SUZ12: variants seen among roughly 807,000 people sequenced by gnomAD.
SUZ12 encodes SUZ12 polycomb repressive complex 2 subunit.
In SUZ12, 17 loss-of-function variants were observed where a neutral mutation model predicts 87.3. The observed-to-expected ratio is 0.19, with a 90% CI of 0.13 to 0.29. The LOEUF is 0.29. Among genes scored for constraint, SUZ12 ranks in the 10% least tolerant of loss-of-function variants. SUZ12 has a pLI of 1.00. For synonymous variants in SUZ12, 253 were observed against 312.4 expected, an observed-to-expected ratio of 0.81 and a Z score of 2.01; for missense variants, 526 against 912.2, an observed-to-expected ratio of 0.58 and a Z score of 5.45.
At chr17:31,993,105 G>T (rs559332772) in intron 10 of SUZ12, 137 bp from the exon 11 acceptor site, 8 of 566,324 alleles carry the variant, frequency 1.4e-5, no homozygotes, top group Non-Finnish European at 2.4e-5. Context: ...CATCAGTTGA[G>T]GGAGATAACA....
rs1474498000 is a variant in SUZ12, at chr17:31,941,028, A to T, written c.386+542A>T. Among the ~76,000 whole-genome samples, 14 of 151,808 alleles carry T rather than the reference A, an allele frequency of 9.2e-5. No individual in the cohort carries two copies. In the South Asian group the frequency reaches 2.7e-3, roughly 29 times the overall value. On this transcript the variant is annotated intron_variant, in intron 3 of 15. Transcript: ENST00000322652. Reference sequence around the variant, plus strand: ...CTACCTCAAAGAAAAAAAAAACAAAACTGATTTTAGTAGTGAAGTGAATAA... The same window carrying T: ...CTACCTCAAAGAAAAAAAAAACAAATCTGATTTTAGTAGTGAAGTGAATAA...
At chr17:31,961,245 C>T (rs375717299) in intron 4 of SUZ12, among the ~76,000 whole-genome samples, 76 of 150,682 alleles carry the variant, frequency 5.0e-4, no homozygotes, top group African/African-American at 1.7e-3. Flanking sequence ...CACAAAGAAA[C>T]ACTAGTATGA....
At chr17:31,949,670 CCCCCCCTT>C (rs1567814689) in intron 4 of SUZ12, among the ~76,000 whole-genome samples, 1 of 79,756 alleles carries the variant, frequency 1.3e-5, no homozygotes, top group African/African-American at 5.0e-5. Context: ...GCCCCCCCCC[CCCCCCCTT>C]TTTTTTTTTT....
Position 31,953,813 on chromosome 17 carries a change from A to G in SUZ12, c.455+6128A>G, listed in dbSNP as rs1418794591. Among the ~76,000 whole-genome samples the G allele has an allele frequency of 2.7e-5, 4 of 149,114 alleles. No individual in the cohort carries two copies. In the East Asian group the frequency reaches 7.9e-4, roughly 29 times the overall value. ...ACTGCAACCTCTAACTCCTTGGTTC[A>G]AGCAGTTCTCCTGCCTTGGCCTCCC... On this transcript the variant is annotated intron_variant, in intron 4 of 15. Coordinates refer to ENST00000322652, the MANE Select transcript of SUZ12 (RefSeq NM_015355.4).
chr17:31,942,946 G>C (rs543802983), intron 3 of SUZ12, among the ~76,000 whole-genome samples: 2 of 152,212 alleles, frequency 1.3e-5, no homozygotes, highest in Non-Finnish European at 2.9e-5. Context: ...TCTCGATAGA[G>C]TTTGAAACTA....
chr17:31,968,761 C>T (rs750202885), intron 5 of SUZ12, among the ~76,000 whole-genome samples: 1 of 151,980 alleles, frequency 6.6e-6, no homozygotes, highest in Non-Finnish European at 1.5e-5. Context: ...GACTTTAATT[C>T]TTCAGAAACT....
At chr17:31,970,590 T>C (rs1047898540) in intron 5 of SUZ12, among the ~76,000 whole-genome samples, 1 of 151,838 alleles carries the variant, frequency 6.6e-6, no homozygotes, top group African/African-American at 2.4e-5. Flanking sequence ...ATTGTGCCAC[T>C]GCATTCCAGC....
At chr17:31,986,336 G>A (rs1246610351) in intron 9 of SUZ12, among the ~76,000 whole-genome samples, 1 of 152,078 alleles carries the variant, frequency 6.6e-6, no homozygotes, top group Non-Finnish European at 1.5e-5. Context: ...TTTTTGTTTT[G>A]TTTTGTTTTG....
chr17:31,942,231 C>T (rs558122851), intron 3 of SUZ12, among the ~76,000 whole-genome samples: 12 of 152,048 alleles, frequency 7.9e-5, no homozygotes, highest in South Asian at 2.1e-4. Context: ...ATATTTGTTA[C>T]GTAAAATTTA....
intron 3 of SUZ12, among the ~76,000 whole-genome samples, chr17:31,944,286 G>C (rs1324803820): frequency 1.3e-5 from 2 of 151,794 alleles, no homozygotes; most frequent in Non-Finnish European, 2.9e-5. Context: ...GCGCCACCAT[G>C]CCTGGCTCAT....
intron 4 of SUZ12, among the ~76,000 whole-genome samples, chr17:31,951,538 A>G (rs1906979717): frequency 6.8e-6 from 1 of 146,542 alleles, no homozygotes; most frequent in African/African-American, 2.6e-5. Context: ...GCTGGAGTGC[A>G]GTGGCGCCAT....
intron 3 of SUZ12, among the ~76,000 whole-genome samples, chr17:31,940,915 C>T (rs1486725393): frequency 6.6e-6 from 1 of 151,334 alleles, no homozygotes; most frequent in Non-Finnish European, 1.5e-5. Flanking sequence ...GAGGCTGAGG[C>T]AGGAGAATTG....
chr17:31,976,629 C>G lies in SUZ12; in HGVS notation c.917+15C>G, dbSNP rs374937108. On this transcript the variant is annotated intron_variant, in intron 8 of 15. Transcript: ENST00000322652. ...GATAAAAACAGGTAATGTTGATGAA[C>G]AAGTGAGGCTCCCACAATGTTCTGG... The G allele has an allele frequency of 3.4e-5, 53 of 1,562,470 alleles. No homozygotes were observed. The African/African-American group carries it at 6.5e-4, about 19-fold the overall frequency.
intron 4 of SUZ12, among the ~76,000 whole-genome samples, chr17:31,962,550 C>T (rs1907793706): frequency 6.6e-6 from 1 of 152,046 alleles, no homozygotes. Flanking sequence ...TAGATTGTGC[C>T]ACTGTATACC....
At chr17:31,994,817 G>A in intron 13 of SUZ12, 96 bp downstream of exon 13, 1 of 1,348,464 alleles carries the variant, frequency 7.4e-7, no homozygotes, top group Non-Finnish European at 1.0e-6. Flanking sequence ...TTCGTTAGGT[G>A]GAAATTATTA....
intron 14 of SUZ12, among the ~76,000 whole-genome samples, chr17:31,996,431 A>G (rs987540902): frequency 1.3e-5 from 2 of 152,154 alleles, no homozygotes; most frequent in Non-Finnish European, 2.9e-5. Flanking sequence ...CCTGGCCAAC[A>G]TGGCAAAACC....
chr17:31,951,022 C>T (rs1203801466), intron 4 of SUZ12, among the ~76,000 whole-genome samples: 2 of 152,058 alleles, frequency 1.3e-5, no homozygotes, highest in African/African-American at 4.8e-5. Flanking sequence ...CCTCGTGATC[C>T]GCCCATCTCA....
rs763509688 is a variant in SUZ12, at chr17:31,998,827, C to T, written c.2044C>T (p.Arg682Cys). The T allele has an allele frequency of 1.9e-6, 3 of 1,613,516 alleles. No individual in the cohort carries two copies. Among genetic ancestry groups the T allele is most frequent in the South Asian group, 1.1e-5 (1 of 90,956 alleles). ...AATAGATAAAGCTGTTACCAAGCTC[C>T]GTGAAATGCAGCAAAAATTAGAAAA... Reference protein sequence around the residue: ...MSIDKAVTKLREMQQKLEKGE... With the variant: ...MSIDKAVTKLCEMQQKLEKGE... Residue 682 changes from arginine (R) to cysteine (C), a missense_variant, in exon 16 of 16, where the codon CGT (arginine) becomes TGT (cysteine). This residue lies in a region of SUZ12 where 143 missense variants were observed against 321.6 expected (regional missense o/e 0.44). Coordinates refer to ENST00000322652, the MANE Select transcript of SUZ12 (RefSeq NM_015355.4).
chr17:31,999,111 T>G lies in SUZ12; in HGVS notation c.*108T>G. The G allele has an allele frequency of 1.1e-6, 1 of 883,494 alleles. No individual in the cohort carries two copies. Among genetic ancestry groups the G allele is most frequent in the Non-Finnish European group, 1.6e-6 (1 of 610,690 alleles). The allele number at this position is 883,494 out of a possible 1,614,324, so 54.7% of individuals were successfully genotyped here. A position where few individuals can be genotyped will look rare whatever the true frequency, so the allele number is the denominator to read the frequency against. On this transcript the variant is annotated 3_prime_UTR_variant, in exon 16 of 16. Transcript: ENST00000322652. ...AATCATATGTTCCAAACAGGCACTG[T>G]TAGATGAAGTAAATGATTTCAACAA...
Sources: allele counts gnomAD v4.1 joint callset (sites outside exome capture counted in the v4.1 genomes callset), GRCh38; gene constraint gnomAD v4.1.1; regional missense constraint gnomAD v4.1.1; transcripts MANE v1.5; gene names NCBI Gene and HGNC (gene_info 2026-07-23, HGNC 2026-07-21).